The following USO1 variants were observed in gnomAD, a reference collection of about 807,000 sequenced individuals.
USO1 encodes USO1 vesicle transport factor, also known as general vesicular transport factor p115.
A neutral mutation model predicts 124.5 loss-of-function variants in USO1; 57 were observed. The ratio of observed to expected loss-of-function variants is 0.46; its 90% CI spans 0.37 to 0.57. The LOEUF (loss-of-function observed/expected upper bound fraction) is 0.57, where lower values mean the gene tolerates loss of function less well. USO1 is among the 20% of genes least tolerant of loss of function. The pLI is 0.00. For missense variants in USO1, 900 were observed against 1,040.6 expected (o/e 0.86, Z 1.86); for synonymous variants, 369 against 362.8 (o/e 1.02, Z -0.19).
At chr4:75,730,807 T>C (rs556065477) in intron 1 of USO1, among the ~76,000 whole-genome samples, 6 of 152,072 alleles carry the variant, frequency 3.9e-5, no homozygotes, top group Non-Finnish European at 7.3e-5. Context: ...TCACCATTAA[T>C]TTGAAAACTT....
chr4:75,748,608 G>A (rs957395486), intron 1 of USO1, among the ~76,000 whole-genome samples: 2 of 152,178 alleles, frequency 1.3e-5, no homozygotes, highest in Non-Finnish European at 2.9e-5. Context: ...TTTGAGACAA[G>A]TAGCTCTATA....
chr4:75,800,463 A>C lies in USO1; in HGVS notation c.1676A>C (p.Tyr559Ser), dbSNP rs1434160852. 1.3e-6 allele frequency: 2 copies of C among 1,588,090 alleles called. No homozygotes were observed. The highest frequency in any genetic ancestry group is 4.5e-5 in the East Asian group (2 of 44,116). The part of the protein sequence containing the change: ...IYFNDNSLES[Y>S]MKEKLKQLIE... ...TTCAATGATAACTCACTTGAGAGCT[A>C]CATGAAGTAAGTAAGGGGAAGATGG... Residue 559 changes from tyrosine to serine, a missense_variant, in exon 15 of 24, where the codon TAC becomes TCC. Tyr to Ser is a moderately radical substitution (Grantham distance 144). This residue lies in a region of USO1 where 538 missense variants were observed against 681.6 expected (regional missense o/e 0.79). Coordinates refer to ENST00000514213, the MANE Select transcript of USO1 (RefSeq NM_003715.4).
At chr4:75,786,914 C>A in intron 9 of USO1, 148 bp from the exon 10 acceptor site, 1 of 984,334 alleles carries the variant, frequency 1.0e-6, no homozygotes, top group South Asian at 2.6e-5. Context: ...AACTTATTGC[C>A]ATGGGAGCAC....
At chr4:75,763,727 A>G (rs1021974713) in intron 4 of USO1, among the ~76,000 whole-genome samples, 2 of 152,174 alleles carry the variant, frequency 1.3e-5, no homozygotes, top group Non-Finnish European at 2.9e-5. Flanking sequence ...ACAATATAAT[A>G]TATAAACTAT....
chr4:75,778,710 T>G (rs1722138355), intron 8 of USO1, among the ~76,000 whole-genome samples: 1 of 152,208 alleles, frequency 6.6e-6, no homozygotes, highest in African/African-American at 2.4e-5. Context: ...CAAGAGATTA[T>G]ACTTCTGTTA....
At chr4:75,742,834 T>G (rs1053899251) in intron 1 of USO1, among the ~76,000 whole-genome samples, 1 of 152,234 alleles carries the variant, frequency 6.6e-6, no homozygotes, top group Non-Finnish European at 1.5e-5. Context: ...TGTTGAGAAC[T>G]AAGATAAGAG....
chr4:75,788,686 G>A (rs1722441680), intron 10 of USO1, among the ~76,000 whole-genome samples: 1 of 151,588 alleles, frequency 6.6e-6, no homozygotes, highest in Admixed American at 6.6e-5. Flanking sequence ...GGGATTACAG[G>A]CGACTGCCAC....
rs774846916 is a variant in USO1, at chr4:75,799,758, C to T, written c.1563+26C>T. ...GTATCCTTTATGTTTTAGTAACGTA[C>T]ATGTAAGTATTTATATCTTTTTTAG... On this transcript the variant is annotated intron_variant, in intron 14 of 23. Transcript: ENST00000514213. 4.8e-5 allele frequency: 78 copies of T among 1,609,702 alleles called. No individual in the cohort carries two copies. The African/African-American group carries it at 9.1e-4, about 19-fold the overall frequency.
chr4:75,772,638 G>C (rs1410438459), intron 7 of USO1, among the ~76,000 whole-genome samples: 3 of 152,026 alleles, frequency 2.0e-5, no homozygotes, highest in African/African-American at 7.3e-5. Context: ...ATCTTTCCTT[G>C]ACTAAAATAT....
At chr4:75,775,912 C>A (rs544491666) in intron 8 of USO1, among the ~76,000 whole-genome samples, 6 of 152,012 alleles carry the variant, frequency 3.9e-5, no homozygotes, top group Non-Finnish European at 8.8e-5. Flanking sequence ...ATACTTGAGC[C>A]ACAAAAATAG....
At chr4:75,772,646 T>C (rs759959696) in intron 7 of USO1, among the ~76,000 whole-genome samples, 1 of 152,334 alleles carries the variant, frequency 6.6e-6, no homozygotes, top group Non-Finnish European at 1.5e-5. Flanking sequence ...TTGACTAAAA[T>C]ATGACTATGT....
chr4:75,782,348 A>G (rs115687534), intron 8 of USO1, among the ~76,000 whole-genome samples: 447 of 152,356 alleles, frequency 2.9e-3, no homozygotes, highest in African/African-American at 0.01. Context: ...GGAGAAGGCT[A>G]CTGTAAGAGC....
At position 75,752,554 on chromosome 4, in the gene USO1, A is replaced by G. The variant is rs1227839493; in HGVS notation, c.168A>G (p.Glu56=). 1 of 398,416 alleles carries G rather than the reference A, an allele frequency of 2.5e-6. No homozygotes were observed. The highest frequency in any genetic ancestry group is 4.4e-6 in the Non-Finnish European group (1 of 226,042). The allele number at this position is 398,416 out of a possible 1,614,324, so 24.7% of individuals were successfully genotyped here. A position where few individuals can be genotyped will look rare whatever the true frequency, so the allele number is the denominator to read the frequency against. The part of the protein sequence containing the change: ...LKSLSKKYRL[E]VGIQAMEHLI... Reference sequence around the variant, plus strand: ...TTTATGTGCAGAAATACCGCTTGGAAGTGGGTATACAAGCTATGGAACATC... The same window carrying G: ...TTTATGTGCAGAAATACCGCTTGGAGGTGGGTATACAAGCTATGGAACATC... The change falls in exon 3 of 24, where the codon GAA becomes GAG. Residue 56 remains glutamate (E), a synonymous_variant. Coordinates refer to ENST00000514213, the MANE Select transcript of USO1 (RefSeq NM_003715.4).
Position 75,810,468 on chromosome 4 carries a change from A to G in USO1, c.2512A>G (p.Ile838Val), listed in dbSNP as rs371346205. 7.0e-5 allele frequency: 113 copies of G among 1,613,014 alleles called. No individual in the cohort carries two copies. The highest frequency in any genetic ancestry group is 8.7e-5 in the Non-Finnish European group (103 of 1,179,586). The part of the protein sequence containing the change: ...SVEVQGETET[I>V]IATKTTDVEG... ...TGAGGTACAAGGAGAGACCGAGACT[A>G]TAATAGCCACCAAAACTACTGATGT... Residue 838 changes from isoleucine to valine, a missense_variant, in exon 22 of 24, where the codon ATA becomes GTA. Physicochemically the swap from Ile to Val is conservative, Grantham distance 29. Coordinates refer to ENST00000514213, the MANE Select transcript of USO1 (RefSeq NM_003715.4).
chr4:75,752,159 T>C (rs1210077254), intron 1 of USO1, among the ~76,000 whole-genome samples: 3 of 152,200 alleles, frequency 2.0e-5, no homozygotes, highest in African/African-American at 7.2e-5. Flanking sequence ...TGACTTCTCT[T>C]TCAGCCCCTC....
intron 1 of USO1, among the ~76,000 whole-genome samples, chr4:75,728,743 A>C (rs1720537969): frequency 6.6e-6 from 1 of 152,176 alleles, no homozygotes; most frequent in South Asian, 2.1e-4. Flanking sequence ...TTAAATTCAG[A>C]ATTTCATCCA....
chr4:75,799,738 C>A lies in USO1; in HGVS notation c.1563+6C>A. ...ATTCAGCCAATGTTCCATTTGTATC[C>A]TTTATGTTTTAGTAACGTACATGTA... On this transcript the variant is annotated splice_donor_region_variant and intron_variant, in intron 14 of 23. Coordinates refer to ENST00000514213, the MANE Select transcript of USO1 (RefSeq NM_003715.4). 1 of 1,612,982 alleles carries A rather than the reference C, an allele frequency of 6.2e-7. No individual in the cohort carries two copies. Among genetic ancestry groups the A allele is most frequent in the Non-Finnish European group, 8.5e-7 (1 of 1,179,572 alleles).
intron 13 of USO1, chr4:75,795,416 CT>C (rs1183560473): frequency 1.9e-5 from 13 of 690,622 alleles, no homozygotes; most frequent in Non-Finnish European, 3.4e-5. Context: ...TTTTCTCTGT[CT>C]TGGGTTTTGC....
rs747618322 is a variant in USO1 at position 75,788,180 on chromosome 4, T to TATTTATTTA, written c.996+978_996+979insATTTATTTA. On this transcript the variant is annotated intron_variant, in intron 10 of 23. Transcript: ENST00000514213. ...ATTTATTTATTTATTTATTTTTTTT[T>TATTTATTTA]TTTTTTGTACAGAGTCTCAGTCTGT... Among the ~76,000 whole-genome samples the TATTTATTTA allele has an allele frequency of 4.0e-4, 59 of 148,138 alleles. 1 individual carries two copies. The highest frequency in any genetic ancestry group is 1.3e-3 in the African/African-American group (51 of 40,630).
Sources: allele counts gnomAD v4.1 joint callset (sites outside exome capture counted in the v4.1 genomes callset), GRCh38; gene constraint gnomAD v4.1.1; regional missense constraint gnomAD v4.1.1; transcripts MANE v1.5; gene names NCBI Gene and HGNC (gene_info 2026-07-23, HGNC 2026-07-21).